Variants in NBEA observed in about 807,000 individuals in gnomAD.
NBEA encodes the protein lysosomal-trafficking regulator 2.
Under a neutral mutation model 343.4 loss-of-function variants are expected in NBEA, and 44 were observed. That is an observed-to-expected ratio of 0.13 (90% CI 0.10 to 0.16). NBEA has a LOEUF of 0.16. NBEA is among the 10% of genes least tolerant of loss of function. NBEA has a pLI of 1.00. For synonymous variants in NBEA, 1,175 were observed against 1,238.7 expected (o/e 0.95, Z 1.08); for missense variants, 2,555 against 3,631.3 (o/e 0.70, Z 7.62).
At chr13:35,186,290 G>A (rs1281780419) in intron 30 of NBEA, 1 of 152,112 alleles carries the variant, frequency 6.6e-6, no homozygotes, top group African/African-American at 2.4e-5. Context: ...GAGCAACAGA[G>A]CAAGACCCTT....
intron 39 of NBEA, among the ~76,000 whole-genome samples, chr13:35,449,460 A>G (rs2152943412): frequency 6.6e-6 from 1 of 152,352 alleles, no homozygotes; most frequent in South Asian, 2.1e-4. Context: ...AGAGACAATT[A>G]GCTCAGTAAG....
intron 18 of NBEA, 111 bp downstream of exon 18, chr13:35,142,488 C>T: frequency 3.4e-6 from 2 of 590,342 alleles, no homozygotes; most frequent in Non-Finnish European, 5.6e-6. Flanking sequence ...CTAATTAAAC[C>T]AGAAAATGGT....
intron 38 of NBEA, among the ~76,000 whole-genome samples, chr13:35,365,036 G>A (rs2041021851): frequency 6.6e-6 from 1 of 151,744 alleles, no homozygotes; most frequent in Non-Finnish European, 1.5e-5. Flanking sequence ...GATCAATAAT[G>A]ATTGGATGGG....
intron 39 of NBEA, among the ~76,000 whole-genome samples, chr13:35,439,432 C>T (rs2045616308): frequency 1.3e-5 from 2 of 151,814 alleles, no homozygotes; most frequent in African/African-American, 2.4e-5. Context: ...GCCAGGTTAT[C>T]GGGGAGTAAA....
chr13:35,436,968 A>C (rs930521315), intron 39 of NBEA, among the ~76,000 whole-genome samples: 1 of 152,226 alleles, frequency 6.6e-6, no homozygotes, highest in Non-Finnish European at 1.5e-5. Flanking sequence ...AAATTTTTAC[A>C]TGACCATCAA....
chr13:34,947,426 G>A (rs2059218117), intron 1 of NBEA, among the ~76,000 whole-genome samples: 1 of 151,830 alleles, frequency 6.6e-6, no homozygotes, highest in Non-Finnish European at 1.5e-5. Context: ...AATTTATTGG[G>A]TCTAACAGAC....
intron 38 of NBEA, among the ~76,000 whole-genome samples, chr13:35,358,054 C>A (rs773198188): frequency 1.3e-5 from 2 of 151,966 alleles, no homozygotes; most frequent in East Asian, 3.9e-4. Flanking sequence ...TGGAGTCTCA[C>A]GCTGTCACCC....
chr13:35,266,105 A>G (rs2033650906), intron 34 of NBEA, among the ~76,000 whole-genome samples: 1 of 151,996 alleles, frequency 6.6e-6, no homozygotes, highest in Admixed American at 6.6e-5. Context: ...AATGTTCAAC[A>G]TCACTAATCA....
At chr13:35,417,053 G>T (rs2043955516) in intron 38 of NBEA, among the ~76,000 whole-genome samples, 1 of 152,124 alleles carries the variant, frequency 6.6e-6, no homozygotes. Flanking sequence ...TCTGATGGTA[G>T]TTTGTATTTC....
At chr13:35,396,727 G>A (rs1398519297) in intron 38 of NBEA, among the ~76,000 whole-genome samples, 1 of 152,060 alleles carries the variant, frequency 6.6e-6, no homozygotes, top group Non-Finnish European at 1.5e-5. Flanking sequence ...TCACATTGTT[G>A]TAACCTCTAT....
intron 41 of NBEA, among the ~76,000 whole-genome samples, chr13:35,478,918 C>G (rs892255601): frequency 3.3e-5 from 5 of 152,226 alleles, no homozygotes; most frequent in Non-Finnish European, 7.3e-5. Flanking sequence ...ACGGGAAGGA[C>G]GCGGGCCTGC....
intron 17 of NBEA, among the ~76,000 whole-genome samples, chr13:35,127,648 G>A (rs2067199618): frequency 6.6e-6 from 1 of 151,900 alleles, no homozygotes; most frequent in Non-Finnish European, 1.5e-5. Context: ...GTAGATGAAA[G>A]GAAAAAATTA....
At chr13:34,987,562 T>C (rs2060596949) in intron 1 of NBEA, among the ~76,000 whole-genome samples, 2 of 150,988 alleles carry the variant, frequency 1.3e-5, no homozygotes, top group South Asian at 4.2e-4. Flanking sequence ...TTGGGGAAGT[T>C]CTCCTGGATA....
intron 18 of NBEA, among the ~76,000 whole-genome samples, chr13:35,147,452 A>G (rs1450783527): frequency 6.6e-6 from 1 of 152,226 alleles, no homozygotes; most frequent in Non-Finnish European, 1.5e-5. Flanking sequence ...GACATAACTT[A>G]GAATGGTCCC....
chr13:35,323,920 A>G (rs2050714), intron 36 of NBEA, among the ~76,000 whole-genome samples: 70,642 of 151,960 alleles, frequency 0.46, 19,284 homozygotes, highest in Non-Finnish European at 0.59. Context: ...TTAGAGACAC[A>G]TATCATATTT....
chr13:35,541,466 T>A (rs2078820355), intron 41 of NBEA, among the ~76,000 whole-genome samples: 1 of 152,104 alleles, frequency 6.6e-6, no homozygotes, highest in African/African-American at 2.4e-5. Context: ...GACCTAATTA[T>A]GGGCTGTTTA....
intron 53 of NBEA, among the ~76,000 whole-genome samples, chr13:35,652,159 C>T (rs956344592): frequency 1.3e-5 from 2 of 151,958 alleles, no homozygotes; most frequent in African/African-American, 4.8e-5. Flanking sequence ...TGTTCTCTAA[C>T]AGCTCAGTAT....
At chr13:35,068,037 G>A (rs1444835967) in intron 8 of NBEA, among the ~76,000 whole-genome samples, 2 of 151,912 alleles carry the variant, frequency 1.3e-5, no homozygotes, top group East Asian at 1.9e-4. Flanking sequence ...GTACATGTCC[G>A]CCTTTATATA....
At position 35,440,250 on chromosome 13, in the gene NBEA, T is replaced by C. The variant is rs535065281; in HGVS notation, c.6304+7857T>C. Among the ~76,000 whole-genome samples, 8 of 152,242 alleles carry C rather than the reference T, an allele frequency of 5.3e-5. No homozygotes were observed. In the South Asian group the frequency reaches 1.7e-3, roughly 32 times the overall value. ...CCATTCATCACTTTGGGTAACAACA[T>C]TGAAGGATGGATTTTCTATAAACTA... is the stretch of plus-strand genomic sequence containing the variant. On this transcript the variant is annotated intron_variant, in intron 39 of 58. Coordinates refer to ENST00000379939, the MANE Select transcript of NBEA (RefSeq NM_001385012.1).
Sources: gnomAD v4.1 joint callset for allele counts (sites outside exome capture counted in the v4.1 genomes callset) on GRCh38, gnomAD v4.1.1 for gene constraint, MANE v1.5 for transcripts, NCBI Gene and HGNC (gene_info 2026-07-23, HGNC 2026-07-21) for gene names.